PRKAG2: variants seen among roughly 807,000 people sequenced by gnomAD.
The protein encoded by PRKAG2 is protein kinase AMP-activated non-catalytic subunit gamma 2, also known as 5'-AMP-activated protein kinase subunit gamma-2.
In PRKAG2, 26 loss-of-function variants were observed where a neutral mutation model predicts 69.6. That is an observed-to-expected ratio of 0.37 (90% CI 0.27 to 0.52). The LOEUF is 0.52. Ranked by LOEUF, PRKAG2 falls within the 20% of genes least tolerant of loss-of-function variation. The pLI, the probability that PRKAG2 is intolerant of heterozygous loss-of-function variation, is 0.90. For missense variants in PRKAG2, 557 were observed against 740.0 expected, an observed-to-expected ratio of 0.75 and a Z score of 2.87; for synonymous variants, 293 against 285.0, an observed-to-expected ratio of 1.03 and a Z score of -0.28.
At chr7:151,557,296 G>A in intron 15 of PRKAG2, 64 bp from the exon 16 acceptor site, 1 of 1,613,516 alleles carries the variant, frequency 6.2e-7, no homozygotes, top group Non-Finnish European at 8.5e-7. Flanking sequence ...TCTACCCCAG[G>A]GGTTTCTACC....
chr7:151,860,772 A>C (rs1414038539), intron 1 of PRKAG2, among the ~76,000 whole-genome samples: 3 of 151,960 alleles, frequency 2.0e-5, no homozygotes, highest in African/African-American at 7.3e-5. Context: ...GCTGTGCCCT[A>C]CCTCTCCTAG....
chr7:151,594,284 A>G (rs1329986754), intron 6 of PRKAG2, among the ~76,000 whole-genome samples: 1 of 152,240 alleles, frequency 6.6e-6, no homozygotes, highest in Non-Finnish European at 1.5e-5. Context: ...TTCTTGGTTT[A>G]GCATTTACTT....
At chr7:151,794,061 CCTCCCTGG>C (rs1214210346) in intron 1 of PRKAG2, among the ~76,000 whole-genome samples, 3 of 152,170 alleles carry the variant, frequency 2.0e-5, no homozygotes, top group African/African-American at 7.2e-5. Flanking sequence ...GGCCACCCTT[CCTCCCTGG>C]CTCCCTCACC....
chr7:151,747,407 A>C (rs188939597), intron 3 of PRKAG2, among the ~76,000 whole-genome samples: 2 of 152,240 alleles, frequency 1.3e-5, no homozygotes, highest in East Asian at 3.9e-4. Flanking sequence ...AAATACAAAA[A>C]TTAGCCGGGC....
intron 4 of PRKAG2, among the ~76,000 whole-genome samples, chr7:151,648,860 A>T (rs1443608203): frequency 2.0e-5 from 3 of 152,080 alleles, no homozygotes; most frequent in Non-Finnish European, 4.4e-5. Flanking sequence ...TCTTTAAAAA[A>T]CAGAAAGAAA....
chr7:151,675,523 G>A lies in PRKAG2; in HGVS notation c.581C>T (p.Ser194Leu), dbSNP rs145669999. The change falls in exon 4 of 16, where the codon TCG (serine) becomes TTG (leucine). Residue 194 changes from serine to leucine, a missense_variant. Transcript: ENST00000287878. ...CTGCCCTGTGTCCGGGGGGGAAGACGAGGCATAGATGCGATTCTCTAACCG... is the reference window on the plus strand; with the variant it reads ...CTGCCCTGTGTCCGGGGGGGAAGACAAGGCATAGATGCGATTCTCTAACCG... ...PERLENRIYA[S>L]SSPPDTGQRF... The A allele has an allele frequency of 3.2e-5, 51 of 1,614,026 alleles. 1 individual carries two copies. Among genetic ancestry groups the A allele is most frequent in the South Asian group, 5.5e-5 (5 of 91,094 alleles).
intron 3 of PRKAG2, among the ~76,000 whole-genome samples, chr7:151,715,418 G>A (rs190170063): frequency 0.024 from 3,593 of 149,456 alleles, 50 homozygotes; most frequent in South Asian, 0.037. Flanking sequence ...CACAATCTCA[G>A]CTCACTGCAA....
intron 3 of PRKAG2, among the ~76,000 whole-genome samples, chr7:151,732,133 CTTTTTT>C (rs59078328): frequency 9.5e-5 from 9 of 94,864 alleles, no homozygotes; most frequent in African/African-American, 1.3e-4. Flanking sequence ...CAGCACCTGG[CTTTTTT>C]TTTTTTTTTT....
At chr7:151,794,051 G>A (rs1290638894) in intron 1 of PRKAG2, among the ~76,000 whole-genome samples, 1 of 152,060 alleles carries the variant, frequency 6.6e-6, no homozygotes, top group African/African-American at 2.4e-5. Context: ...TCACTCCTAT[G>A]GCCACCCTTC....
chr7:151,762,597 T>C (rs1104837), intron 3 of PRKAG2, among the ~76,000 whole-genome samples: 2,113 of 152,188 alleles, frequency 0.014, 61 homozygotes, highest in African/African-American at 0.048. Flanking sequence ...ATGCCAAGCA[T>C]CCTCTGTGTT....
At chr7:151,596,109 A>G (rs1224472394) in intron 5 of PRKAG2, among the ~76,000 whole-genome samples, 1 of 152,236 alleles carries the variant, frequency 6.6e-6, no homozygotes, top group Non-Finnish European at 1.5e-5. Context: ...GTAGTACTGG[A>G]AGTCCTTGTC....
intron 6 of PRKAG2, among the ~76,000 whole-genome samples, chr7:151,579,612 G>A (rs1809862397): frequency 6.6e-6 from 1 of 152,156 alleles, no homozygotes; most frequent in Non-Finnish European, 1.5e-5. Context: ...GCTATGCATT[G>A]AGCATCACAT....
chr7:151,827,459 G>A (rs897284202), intron 1 of PRKAG2, among the ~76,000 whole-genome samples: 1 of 151,942 alleles, frequency 6.6e-6, no homozygotes, highest in African/African-American at 2.4e-5. Flanking sequence ...GGCTGGTCTC[G>A]AACTCCTGAC....
At chr7:151,564,376 G>A (rs893720169) in intron 13 of PRKAG2, 152 bp from the exon 14 acceptor site, 23 of 734,976 alleles carry the variant, frequency 3.1e-5, no homozygotes, top group African/African-American at 2.1e-4. Flanking sequence ...TCTGGCTTAC[G>A]ACATGCCATT....
chr7:151,700,269 AGAG>A (rs1292907694), intron 3 of PRKAG2, among the ~76,000 whole-genome samples: 1 of 152,174 alleles, frequency 6.6e-6, no homozygotes. Flanking sequence ...TGAACACGAC[AGAG>A]AAGAGCCCAG....
At chr7:151,738,518 C>T (rs6952517) in intron 3 of PRKAG2, among the ~76,000 whole-genome samples, 16,296 of 152,334 alleles carry the variant, frequency 0.11, 2,985 homozygotes, top group African/African-American at 0.37. Context: ...TGTGGGTTTA[C>T]GGAAATGAGG....
chr7:151,839,041 G>A (rs1344728583), intron 1 of PRKAG2, among the ~76,000 whole-genome samples: 2 of 151,408 alleles, frequency 1.3e-5, no homozygotes, highest in Non-Finnish European at 2.9e-5. Context: ...ATAGAAAAGG[G>A]GCAGCTTCCT....
intron 3 of PRKAG2, among the ~76,000 whole-genome samples, chr7:151,745,028 G>A (rs950115746): frequency 3.9e-5 from 6 of 152,192 alleles, no homozygotes; most frequent in Middle Eastern, 3.2e-3. Context: ...GCAGCTTGTG[G>A]GATTGTGGGG....
At chr7:151,843,374 T>C (rs983998579) in intron 1 of PRKAG2, among the ~76,000 whole-genome samples, 2 of 152,120 alleles carry the variant, frequency 1.3e-5, no homozygotes, top group Non-Finnish European at 2.9e-5. Context: ...GGGCCAACCA[T>C]TCCTAAGGAA....
Sources: gnomAD v4.1 joint callset for allele counts (sites outside exome capture counted in the v4.1 genomes callset) on GRCh38, gnomAD v4.1.1 for gene constraint, MANE v1.5 for transcripts, NCBI Gene and HGNC (gene_info 2026-07-23, HGNC 2026-07-21) for gene names.